Variants in CCNK observed in about 807,000 individuals in gnomAD.
The protein encoded by CCNK is cyclin K.
Under a neutral mutation model 65.0 loss-of-function variants are expected in CCNK, and 9 were observed. The ratio of observed to expected loss-of-function variants is 0.14; its 90% CI spans 0.08 to 0.24. The LOEUF is 0.24. Among genes scored for constraint, CCNK ranks in the 10% least tolerant of loss-of-function variants. CCNK has a pLI of 1.00. For missense variants in CCNK, 474 were observed against 720.0 expected (o/e 0.66, Z 3.91); for synonymous variants, 279 against 270.8 (o/e 1.03, Z -0.30).
chr14:99,492,998 T>A, intron 2 of CCNK, 124 bp downstream of exon 2: 1 of 824,828 alleles, frequency 1.2e-6, no homozygotes. Flanking sequence ...TAAATATCTG[T>A]TTGAATGTTG....
intron 1 of CCNK, among the ~76,000 whole-genome samples, chr14:99,482,400 C>T (rs542725839): frequency 1.2e-4 from 19 of 152,284 alleles, no homozygotes; most frequent in African/African-American, 2.9e-4. Context: ...AGAACACTGC[C>T]TGACGTTTAA....
chr14:99,510,936 GT>G lies in CCNK; in HGVS notation c.*155del. 1 of 613,182 alleles carries G rather than the reference GT, an allele frequency of 1.6e-6. No homozygotes were observed. Among genetic ancestry groups the G allele is most frequent in the Non-Finnish European group, 2.4e-6 (1 of 412,054 alleles). 38.0% of individuals were successfully genotyped at this position (613,182 alleles called of 1,614,324 possible). A position where few individuals can be genotyped will look rare whatever the true frequency, so the allele number is the denominator to read the frequency against. ...GGGCCCCTGGGATAAAATCAGAGTG[GT>G]CCTCACACCTAGAGGACGGGGACAA... On this transcript the variant is annotated 3_prime_UTR_variant, in exon 11 of 11. Coordinates refer to ENST00000389879, the MANE Select transcript of CCNK (RefSeq NM_001099402.2).
chr14:99,488,030 G>A (rs1436487131), intron 1 of CCNK, among the ~76,000 whole-genome samples: 1 of 152,172 alleles, frequency 6.6e-6, no homozygotes, highest in East Asian at 1.9e-4. Context: ...ACACATGTTC[G>A]TTTTTTGCCA....
At position 99,510,295 on chromosome 14, in the gene CCNK, G is replaced by A. The variant is rs779295552; in HGVS notation, c.1256G>A (p.Arg419Gln). The A allele has an allele frequency of 5.2e-5, 40 of 766,052 alleles. No homozygotes were observed. In the East Asian group the frequency reaches 1.2e-3, roughly 23 times the overall value. 47.5% of individuals were successfully genotyped at this position (766,052 alleles called of 1,614,324 possible). A position where few individuals can be genotyped will look rare whatever the true frequency, so the allele number is the denominator to read the frequency against. ...CACCAGCCACCGCCGCTGCCACACC[G>A]GCCCCCGCCCCCACCCCCCTCCAGC... ...PVHQPPPLPH[R>Q]PPPPPPSSYM... The change falls in exon 11 of 11, where the codon CGG becomes CAG. Residue 419 changes from arginine (R) to glutamine (Q), a missense_variant. This residue lies in a region of CCNK where 229 missense variants were observed against 275.5 expected (regional missense o/e 0.83). Transcript: ENST00000389879.
chr14:99,481,938 A>C (rs1896342238), intron 1 of CCNK, among the ~76,000 whole-genome samples: 1 of 152,188 alleles, frequency 6.6e-6, no homozygotes, highest in African/African-American at 2.4e-5. Flanking sequence ...TTGGAGAGCC[A>C]CGTAACGAGG....
rs1373970582 is a variant in CCNK at position 99,493,097 on chromosome 14, G to T, written c.197+223G>T. 5 of 519,120 alleles carry T rather than the reference G, an allele frequency of 9.6e-6. No individual in the cohort carries two copies. In the Admixed American group the frequency reaches 1.9e-4, roughly 20 times the overall value. The allele number at this position is 519,120 out of a possible 1,614,324, so 32.2% of individuals were successfully genotyped here. A position where few individuals can be genotyped will look rare whatever the true frequency, so the allele number is the denominator to read the frequency against. On this transcript the variant is annotated intron_variant, in intron 2 of 10. Transcript: ENST00000389879. ...GAGGTGGCCAGCCAGGAGGATATGA[G>T]GCACCCATTAGGATCACAGTTGAGG...
At position 99,510,423 on chromosome 14, in the gene CCNK, C is replaced by T; in HGVS notation, c.1384C>T (p.Pro462Ser). 2 of 1,548,096 alleles carry T rather than the reference C, an allele frequency of 1.3e-6. No homozygotes were observed. The highest frequency in any genetic ancestry group is 8.7e-7 in the Non-Finnish European group (1 of 1,146,504). ...KTEGPSYGAL[P>S]PAYGPPAHLP... is the part of the protein sequence containing the mutation. ...CGAGGGACCCTCCTACGGTGCCCTG[C>T]CCCCCGCCTACGGCCCACCTGCACA... Residue 462 changes from proline (P) to serine (S), a missense_variant, in exon 11 of 11, where the codon CCC becomes TCC. Physicochemically the swap from Pro to Ser is moderately conservative, Grantham distance 74. Around this residue, in one of 6 missense-constraint regions of CCNK, gnomAD observed 229 missense variants for 275.5 expected, o/e 0.83. Coordinates refer to ENST00000389879, the MANE Select transcript of CCNK (RefSeq NM_001099402.2).
rs1241018696 is a variant in CCNK, at chr14:99,481,492, C to T, written c.-53+13C>T. On this transcript the variant is annotated intron_variant, in intron 1 of 10. Coordinates refer to ENST00000389879, the MANE Select transcript of CCNK (RefSeq NM_001099402.2). ...CCTGAAGCGAGGGGTGAGTGACCCA[C>T]CGACTGAGGGCAGCGCCGCCCACCT... 2 of 398,578 alleles carry T rather than the reference C, an allele frequency of 5.0e-6. No homozygotes were observed. Among genetic ancestry groups the T allele is most frequent in the African/African-American group, 2.1e-5 (1 of 48,650 alleles). 24.7% of individuals were successfully genotyped at this position (398,578 alleles called of 1,614,324 possible). A position where few individuals can be genotyped will look rare whatever the true frequency, so the allele number is the denominator to read the frequency against.
chr14:99,481,925 GT>G (rs2139841296), intron 1 of CCNK, among the ~76,000 whole-genome samples: 1 of 152,358 alleles, frequency 6.6e-6, no homozygotes, highest in East Asian at 1.9e-4. Flanking sequence ...CGACTTTGGA[GT>G]TTTGGAGAGC....
chr14:99,493,476 TAA>T, intron 2 of CCNK, 36 bp from the exon 3 acceptor site: 1 of 1,349,548 alleles, frequency 7.4e-7, no homozygotes, highest in Non-Finnish European at 1.0e-6. Flanking sequence ...GTATAACCTG[TAA>T]AAGTTATTGG....
At chr14:99,499,193 A>G (rs762052389) in intron 4 of CCNK, among the ~76,000 whole-genome samples, 33 of 152,092 alleles carry the variant, frequency 2.2e-4, no homozygotes, top group Non-Finnish European at 4.3e-4. Flanking sequence ...GCCTGCCACC[A>G]TGATTGGCTA....
chr14:99,492,898 T>A lies in CCNK; in HGVS notation c.197+24T>A, dbSNP rs371201315. The A allele has an allele frequency of 1.9e-6, 3 of 1,549,056 alleles. No individual in the cohort carries two copies. The African/African-American group carries it at 4.2e-5, about 22-fold the overall frequency. ...CTGTATCCTGACTCTCCTTGGAATC[T>A]GTTACAGATAGGCTCCCCACTCACC... On this transcript the variant is annotated intron_variant, in intron 2 of 10. Transcript: ENST00000389879.
rs1203186888 is a variant in CCNK, at chr14:99,492,742, C to T, written c.65C>T (p.Pro22Leu). ...TCAGCAAACCTGGACCACACAAAGC[C>T]ATGTTGGTACTGGGATAAGAAAGAC... ...VTSANLDHTK[P>L]CWYWDKKDLA... The change falls in exon 2 of 11, where the codon CCA (proline) becomes CTA (leucine). Residue 22 changes from proline (P) to leucine (L), a missense_variant. Physicochemically the swap from Pro to Leu is moderately conservative, Grantham distance 98 (BLOSUM62 -3). Around this residue, in one of 6 missense-constraint regions of CCNK, gnomAD observed 87 missense variants for 166.2 expected, o/e 0.52. Coordinates refer to ENST00000389879, the MANE Select transcript of CCNK (RefSeq NM_001099402.2). The T allele has an allele frequency of 6.2e-7, 1 of 1,612,436 alleles. No individual in the cohort carries two copies. The highest frequency in any genetic ancestry group is 8.5e-7 in the Non-Finnish European group (1 of 1,179,484).
At chr14:99,509,825 GC>G in intron 10 of CCNK, 1 of 381,598 alleles carries the variant, frequency 2.6e-6, no homozygotes, top group South Asian at 4.9e-5. Context: ...AAACAGAGGA[GC>G]CCCCACACGT....
At chr14:99,504,108 G>A in intron 9 of CCNK, 1 of 371,508 alleles carries the variant, frequency 2.7e-6, no homozygotes. Context: ...TTGGGTTGAG[G>A]TGCTGTCACA....
intron 1 of CCNK, among the ~76,000 whole-genome samples, chr14:99,484,018 C>T (rs1365688802): frequency 6.6e-6 from 1 of 152,168 alleles, no homozygotes; most frequent in Non-Finnish European, 1.5e-5. Context: ...TATAAATTTA[C>T]TAGGTGAGAT....
intron 8 of CCNK, chr14:99,503,249 C>G (rs1030749326): frequency 3.1e-6 from 2 of 645,948 alleles, no homozygotes; most frequent in African/African-American, 3.6e-5. Flanking sequence ...TGAAGCCTGT[C>G]GGTGTCGTTG....
At chr14:99,504,064 C>A in intron 9 of CCNK, 1 of 384,240 alleles carries the variant, frequency 2.6e-6, no homozygotes. Context: ...CCCAGCCCAG[C>A]TGCCCTTGCA....
chr14:99,511,323 CTTTT>C lies in CCNK; in HGVS notation c.*549_*552del, dbSNP rs200466804. The C allele has an allele frequency of 2.1e-5, 3 of 145,916 alleles. No individual in the cohort carries two copies. Among genetic ancestry groups the C allele is most frequent in the Non-Finnish European group, 4.5e-5 (3 of 66,002 alleles). 9.0% of individuals were successfully genotyped at this position (145,916 alleles called of 1,614,324 possible). A position where few individuals can be genotyped will look rare whatever the true frequency, so the allele number is the denominator to read the frequency against. On this transcript the variant is annotated 3_prime_UTR_variant, in exon 11 of 11. Coordinates refer to ENST00000389879, the MANE Select transcript of CCNK (RefSeq NM_001099402.2). ...TTGAAGGGGTTGCCTCATTGGATGGCTTTTTTTTTTTCCTCCAGGGAGAAGGGGA... is the reference window on the plus strand; with the variant it reads ...TTGAAGGGGTTGCCTCATTGGATGGCTTTTTTTCCTCCAGGGAGAAGGGGA...
Sources: gnomAD v4.1 joint callset for allele counts (sites outside exome capture counted in the v4.1 genomes callset) on GRCh38, gnomAD v4.1.1 for gene constraint, gnomAD v4.1.1 regional missense constraint, MANE v1.5 for transcripts, NCBI Gene and HGNC (gene_info 2026-07-23, HGNC 2026-07-21) for gene names.